The following VWF variants were observed in gnomAD, a reference collection of about 807,000 sequenced individuals.
The protein encoded by VWF is Factor VIII related antigen.
VWF carries 176 observed loss-of-function variants against 308.6 expected under a neutral mutation model. That is an observed-to-expected ratio of 0.57 (90% confidence interval 0.50 to 0.65). The LOEUF is 0.65. Among genes scored for constraint, VWF ranks in the 30% least tolerant of loss-of-function variants. The pLI is 0.00. For missense variants in VWF, 3,146 were observed against 3,648.2 expected (o/e 0.86, Z 3.55); for synonymous variants, 1,385 against 1,443.4 (o/e 0.96, Z 0.92).
intron 16 of VWF, among the ~76,000 whole-genome samples, chr12:6,050,539 C>T (rs1944496879): frequency 6.6e-6 from 1 of 152,198 alleles, no homozygotes; most frequent in Non-Finnish European, 1.5e-5. Flanking sequence ...GACCCCTGAA[C>T]CTCATCCCAA....
At chr12:6,095,300 T>G in intron 6 of VWF, 160 bp downstream of exon 6, 1 of 1,114,140 alleles carries the variant, frequency 9.0e-7, no homozygotes, top group Non-Finnish European at 1.4e-6. Flanking sequence ...AGGCTCGAGA[T>G]GTATTAGAAT....
chr12:6,025,887 C>T lies in VWF; in HGVS notation c.3108+19G>A. 6.2e-7 allele frequency: 1 copy of T among 1,613,890 alleles called. No individual in the cohort carries two copies. Among genetic ancestry groups the T allele is most frequent in the Non-Finnish European group, 8.5e-7 (1 of 1,179,868 alleles). On this transcript the variant is annotated intron_variant, in intron 23 of 51. Transcript: ENST00000261405. ...GAAGCAAGCTCTAGGGCTCTGTCCA[C>T]ACAGAGACCCAGACGTACTTTTCTG... is the stretch of plus-strand genomic sequence containing the variant.
intron 38 of VWF, among the ~76,000 whole-genome samples, chr12:5,986,806 C>A (rs1943685020): frequency 1.3e-5 from 2 of 152,228 alleles, no homozygotes; most frequent in African/African-American, 2.4e-5. Flanking sequence ...ACTGCCCTCA[C>A]TTTTCCAATG....
intron 37 of VWF, among the ~76,000 whole-genome samples, chr12:5,993,653 A>G (rs1194559143): frequency 2.1e-5 from 3 of 142,922 alleles, no homozygotes; most frequent in Non-Finnish European, 3.0e-5. Flanking sequence ...GTGTGTGTAT[A>G]TATATATATA....
intron 5 of VWF, among the ~76,000 whole-genome samples, chr12:6,097,239 A>G (rs57483471): frequency 0.019 from 2,829 of 152,240 alleles, 83 homozygotes; most frequent in African/African-American, 0.063. Flanking sequence ...GATCAAGACC[A>G]TCCTGGCCAA....
chr12:5,960,033 G>A lies in VWF; in HGVS notation c.7888-6439C>T, dbSNP rs1210241339. ...AAGTAAAACAACAAAGGCAAAAGTTGGATCTTTGAAAGATTAATAATATAA... is the reference window on the plus strand; with the variant it reads ...AAGTAAAACAACAAAGGCAAAAGTTAGATCTTTGAAAGATTAATAATATAA... On this transcript the variant is annotated intron_variant, in intron 47 of 51. Transcript: ENST00000261405. Among the ~76,000 whole-genome samples, 4 of 146,040 alleles carry A rather than the reference G, an allele frequency of 2.7e-5. No individual in the cohort carries two copies. The South Asian group carries it at 6.5e-4, about 24-fold the overall frequency.
At chr12:5,986,210 C>T (rs1415304000) in intron 38 of VWF, among the ~76,000 whole-genome samples, 1 of 152,206 alleles carries the variant, frequency 6.6e-6, no homozygotes, top group Non-Finnish European at 1.5e-5. Flanking sequence ...CACAGCCCCA[C>T]AGCACAAGGC....
At chr12:6,007,836 A>G (rs1323074811) in intron 34 of VWF, among the ~76,000 whole-genome samples, 5 of 152,178 alleles carry the variant, frequency 3.3e-5, no homozygotes, top group Admixed American at 1.3e-4. Flanking sequence ...AGACTCAAAT[A>G]AATAAAATCA....
In VWF at chr12:6,123,171, A is replaced by C. The variant is rs1945449461; in HGVS notation, c.26T>G (p.Val9Gly). 6.2e-7 allele frequency: 1 copy of C among 1,614,066 alleles called. No homozygotes were observed. Among genetic ancestry groups the C allele is most frequent in the Non-Finnish European group, 8.5e-7 (1 of 1,180,052 alleles). The stretch of plus-strand genomic sequence containing the variant: ...CAAAATGAGGGCCAGAGCAAGCAGC[A>C]CCCCGGCAAATCTGGCAGGAATCAT... MIPARFAGVLLALALILPG... is the reference protein window; with the variant it reads MIPARFAGGLLALALILPG... Residue 9 changes from valine to glycine, a missense_variant, in exon 2 of 52, where the codon GTG (valine) becomes GGG (glycine). Physicochemically the swap from Val to Gly is moderately radical, Grantham distance 109. Transcript: ENST00000261405.
chr12:6,073,998 C>T (rs531063754), intron 7 of VWF, among the ~76,000 whole-genome samples: 4 of 152,212 alleles, frequency 2.6e-5, no homozygotes, highest in South Asian at 2.1e-4. Context: ...TCCCCTTGGT[C>T]GCCTGCTCTC....
intron 7 of VWF, among the ~76,000 whole-genome samples, chr12:6,074,547 A>G (rs1944819568): frequency 6.6e-6 from 1 of 151,138 alleles, no homozygotes; most frequent in Non-Finnish European, 1.5e-5. Flanking sequence ...ACCAGCTGCT[A>G]GCATCCTCCT....
At position 5,993,941 on chromosome 12, in the gene VWF, C is replaced by A; in HGVS notation, c.6519G>T (p.Val2173=). Reference sequence around the variant, plus strand: ...GGGCATAAGAGGCGATCACCTCACACACTTGCTCCTGGTGGCAACTGTCCT... The same window carrying A: ...GGGCATAAGAGGCGATCACCTCACAAACTTGCTCCTGGTGGCAACTGTCCT... The part of the protein sequence containing the change: ...CQQDSCHQEQ[V]CEVIASYAHL... Residue 2173 remains valine (V), a synonymous_variant, in exon 37 of 52, where the codon GTG becomes GTT. Transcript: ENST00000261405. The A allele has an allele frequency of 6.2e-7, 1 of 1,614,132 alleles. No homozygotes were observed. Among genetic ancestry groups the A allele is most frequent in the Non-Finnish European group, 8.5e-7 (1 of 1,180,024 alleles).
At position 5,949,073 on chromosome 12, in the gene VWF, T is replaced by C; in HGVS notation, c.8384A>G (p.Tyr2795Cys). ...ALHCTNGSVV[Y>C]HEVLNAMECK... ...CTCCATGGCATTGAGAACCTCATGG[T>C]ACACAACAGAGCCATTGGTGCAGTG... Residue 2795 changes from tyrosine (Y) to cysteine (C), a missense_variant, in exon 52 of 52, where the codon TAC (tyrosine) becomes TGC (cysteine). Tyr to Cys is a radical substitution (Grantham distance 194). This residue lies in a region of VWF where 989 missense variants were observed against 1,117.4 expected (regional missense o/e 0.89). Transcript: ENST00000261405. The C allele has an allele frequency of 6.2e-7, 1 of 1,614,180 alleles. No individual in the cohort carries two copies. The highest frequency in any genetic ancestry group is 8.5e-7 in the Non-Finnish European group (1 of 1,180,014).
At chr12:6,026,944 G>A (rs554298664) in intron 22 of VWF, among the ~76,000 whole-genome samples, 1 of 152,238 alleles carries the variant, frequency 6.6e-6, no homozygotes, top group East Asian at 1.9e-4. Flanking sequence ...GAAAAAACTG[G>A]AAATATTTGG....
intron 50 of VWF, 41 bp downstream of exon 50, chr12:5,951,803 C>G: frequency 6.2e-7 from 1 of 1,612,958 alleles, no homozygotes; most frequent in Middle Eastern, 1.6e-4. Context: ...TGGACTTGCT[C>G]TGATGGGTTT....
chr12:5,978,414 C>A (rs914924307), intron 42 of VWF, among the ~76,000 whole-genome samples: 2 of 152,142 alleles, frequency 1.3e-5, no homozygotes, highest in African/African-American at 4.8e-5. Flanking sequence ...AGGTGCACAC[C>A]ACCACACCCA....
chr12:6,111,284 G>A (rs145059838), intron 3 of VWF, among the ~76,000 whole-genome samples: 77 of 152,260 alleles, frequency 5.1e-4, no homozygotes, highest in African/African-American at 1.8e-3. Flanking sequence ...ACAAACATGC[G>A]ACAATTGAGT....
chr12:6,010,179 T>G (rs1022924639), intron 34 of VWF, among the ~76,000 whole-genome samples: 1 of 151,936 alleles, frequency 6.6e-6, no homozygotes, highest in Non-Finnish European at 1.5e-5. Flanking sequence ...GAGCAGAAAA[T>G]TCACAAAATT....
chr12:6,051,354 A>C (rs891989940), intron 16 of VWF, among the ~76,000 whole-genome samples: 22 of 147,176 alleles, frequency 1.5e-4, no homozygotes, highest in Admixed American at 4.1e-4. Context: ...TGCAGTGGCA[A>C]GATCTCAGCT....
Sources: allele counts gnomAD v4.1 joint callset (sites outside exome capture counted in the v4.1 genomes callset), GRCh38; gene constraint gnomAD v4.1.1; regional missense constraint gnomAD v4.1.1; transcripts MANE v1.5; gene names NCBI Gene and HGNC (gene_info 2026-07-23, HGNC 2026-07-21).